Variants in SSX2IP observed in about 807,000 individuals in gnomAD.
SSX2IP encodes the protein afadin- and alpha-actinin-binding protein.
In SSX2IP, 55 loss-of-function variants were observed where a neutral mutation model predicts 84.9. The ratio of observed to expected loss-of-function variants is 0.65; its 90% CI spans 0.52 to 0.81. The LOEUF (loss-of-function observed/expected upper bound fraction) is 0.81, where lower values mean the gene tolerates loss of function less well. Among genes scored for constraint, SSX2IP ranks in the 30% least tolerant of loss-of-function variants. The probability of loss-of-function intolerance (pLI) is 0.00; values close to 1 mark genes in which losing one functional copy is unlikely to be tolerated. For missense variants in SSX2IP, 664 were observed against 705.2 expected (o/e 0.94, Z 0.66); for synonymous variants, 239 against 234.7 (o/e 1.02, Z -0.17).
At chr1:84,677,275 T>C (rs1201253429) in intron 1 of SSX2IP, among the ~76,000 whole-genome samples, 2 of 152,212 alleles carry the variant, frequency 1.3e-5, no homozygotes, top group Non-Finnish European at 2.9e-5. Context: ...AGCTTTGTTC[T>C]TGTTTATACT....
chr1:84,650,200 A>AT, intron 13 of SSX2IP, 162 bp downstream of exon 13: 1 of 694,808 alleles, frequency 1.4e-6, no homozygotes, highest in Admixed American at 2.3e-5. Context: ...CAGTGTCTAT[A>AT]TATACTGGAC....
chr1:84,672,992 C>T (rs763054859), intron 1 of SSX2IP, among the ~76,000 whole-genome samples: 7 of 152,072 alleles, frequency 4.6e-5, no homozygotes, highest in African/African-American at 7.2e-5. Context: ...CCACTGCACT[C>T]CAGCCTGGGC....
At chr1:84,665,794 A>G (rs536671422) in intron 5 of SSX2IP, among the ~76,000 whole-genome samples, 2 of 152,312 alleles carry the variant, frequency 1.3e-5, no homozygotes, top group African/African-American at 4.8e-5. Context: ...TACAGCAGAG[A>G]ATAAAAGATC....
chr1:84,647,763 C>T (rs942763945), intron 13 of SSX2IP, among the ~76,000 whole-genome samples, 156 bp from the exon 14 acceptor site: 17 of 137,572 alleles, frequency 1.2e-4, no homozygotes, highest in Admixed American at 1.0e-3. Flanking sequence ...AAAAAAAAAA[C>T]GGCTGGGAGC....
At chr1:84,650,168 A>G (rs1557462060) in intron 13 of SSX2IP, 194 bp downstream of exon 13, 2 of 629,136 alleles carry the variant, frequency 3.2e-6, no homozygotes, top group Non-Finnish European at 5.6e-6. Flanking sequence ...CCTGTTCACT[A>G]GTGTATTTCC....
At chr1:84,679,967 G>A (rs906737829) in intron 1 of SSX2IP, among the ~76,000 whole-genome samples, 1 of 152,146 alleles carries the variant, frequency 6.6e-6, no homozygotes, top group African/African-American at 2.4e-5. Context: ...ATCACATATT[G>A]TTGCTTCAGT....
intron 13 of SSX2IP, among the ~76,000 whole-genome samples, chr1:84,648,126 G>A (rs1327248082): frequency 6.6e-6 from 1 of 152,038 alleles, no homozygotes. Context: ...GGATGTTGTA[G>A]AAATTAGCTA....
intron 9 of SSX2IP, 91 bp from the exon 10 acceptor site, chr1:84,656,575 A>G: frequency 8.5e-7 from 1 of 1,179,162 alleles, no homozygotes; most frequent in Non-Finnish European, 1.1e-6. Flanking sequence ...GGGCTCTCAG[A>G]ACTTTTATCT....
chr1:84,658,371 A>T lies in SSX2IP; in HGVS notation c.1025T>A (p.Ile342Asn). Residue 342 changes from isoleucine (I) to asparagine (N), a missense_variant, in exon 9 of 14, where the codon ATC becomes AAC. Physicochemically the swap from Ile to Asn is moderately radical, Grantham distance 149. Transcript: ENST00000342203. ...TTTCAAAATTCTCCACTGTTTTCTGATGCTGTTTGTAAGCTGCTCTCTCAC... is the reference window on the plus strand; with the variant it reads ...TTTCAAAATTCTCCACTGTTTTCTGTTGCTGTTTGTAAGCTGCTCTCTCAC... ...ETVREQLTNS[I>N]RKQWRILKSH... The T allele has an allele frequency of 6.2e-7, 1 of 1,614,082 alleles. No homozygotes were observed. The highest frequency in any genetic ancestry group is 8.5e-7 in the Non-Finnish European group (1 of 1,179,998).
Position 84,656,047 on chromosome 1 carries a change from C to T in SSX2IP, c.1216-42G>A, listed in dbSNP as rs201206543. 3.2e-6 allele frequency: 5 copies of T among 1,544,402 alleles called. No homozygotes were observed. The African/African-American group carries it at 5.5e-5, about 17-fold the overall frequency. On this transcript the variant is annotated intron_variant, in intron 10 of 13. Transcript: ENST00000342203. ...CATAGTAAGTTCCTGAGGGACCTTG[C>T]GACACTCCAACGAGTTGAAATGAAA...
chr1:84,647,736 T>C, intron 13 of SSX2IP, 129 bp from the exon 14 acceptor site: 1 of 626,856 alleles, frequency 1.6e-6, no homozygotes, highest in Non-Finnish European at 2.3e-6. Context: ...AAAAATATAA[T>C]TTAAAATTTT....
intron 9 of SSX2IP, among the ~76,000 whole-genome samples, chr1:84,657,027 T>A (rs1331861266): frequency 6.6e-6 from 1 of 152,200 alleles, no homozygotes; most frequent in Non-Finnish European, 1.5e-5. Context: ...TGTAGATTCA[T>A]TTTGGTGCTG....
At chr1:84,675,500 A>T (rs1044312080) in intron 1 of SSX2IP, among the ~76,000 whole-genome samples, 89 of 152,218 alleles carry the variant, frequency 5.8e-4, no homozygotes, top group Non-Finnish European at 1.1e-3. Context: ...TTTATTCCTA[A>T]ATAAAATAGC....
chr1:84,658,566 C>T (rs1651466967), intron 8 of SSX2IP, 98 bp from the exon 9 acceptor site: 1 of 1,367,614 alleles, frequency 7.3e-7, no homozygotes, highest in Middle Eastern at 1.9e-4. Flanking sequence ...GAGGAAGCCA[C>T]ATCAAAATCA....
intron 1 of SSX2IP, among the ~76,000 whole-genome samples, chr1:84,678,233 G>A (rs529929102): frequency 6.6e-6 from 1 of 152,314 alleles, no homozygotes; most frequent in South Asian, 2.1e-4. Flanking sequence ...CTAGAGGGCA[G>A]GGAATGTCTG....
chr1:84,657,103 A>G (rs1041755255), intron 9 of SSX2IP, among the ~76,000 whole-genome samples: 3 of 152,144 alleles, frequency 2.0e-5, no homozygotes, highest in African/African-American at 7.2e-5. Flanking sequence ...TCATATTTTG[A>G]CAATTTAAAT....
In SSX2IP at chr1:84,650,404, G is replaced by A; in HGVS notation, c.1628C>T (p.Thr543Ile). 6.2e-7 allele frequency: 1 copy of A among 1,614,188 alleles called. No homozygotes were observed. The highest frequency in any genetic ancestry group is 8.5e-7 in the Non-Finnish European group (1 of 1,180,030). Reference protein sequence around the residue: ...LTKSLPASPSTSDFCQTRSCI... With the variant: ...LTKSLPASPSISDFCQTRSCI... ...GGAACGTGTCTGGCAAAAGTCTGAA[G>A]TGGAAGGTGAAGCAGGAAGAGATTT... Residue 543 changes from threonine to isoleucine, a missense_variant, in exon 13 of 14, where the codon ACT (threonine) becomes ATT (isoleucine). Physicochemically the swap from Thr to Ile is moderately conservative, Grantham distance 89 (BLOSUM62 -1). Transcript: ENST00000342203.
intron 6 of SSX2IP, among the ~76,000 whole-genome samples, chr1:84,663,765 C>A (rs746368791): frequency 1.1e-4 from 17 of 152,150 alleles, no homozygotes; most frequent in Non-Finnish European, 2.4e-4. Context: ...TAAATAAATA[C>A]ACACACTTCT....
At chr1:84,669,599 G>T in intron 4 of SSX2IP, 82 bp downstream of exon 4, 1 of 1,191,998 alleles carries the variant, frequency 8.4e-7, no homozygotes, top group Non-Finnish European at 1.2e-6. Context: ...AGAAAACCCT[G>T]AAATATTTAA....
Sources: allele counts gnomAD v4.1 joint callset (sites outside exome capture counted in the v4.1 genomes callset), GRCh38; gene constraint gnomAD v4.1.1; transcripts MANE v1.5; gene names NCBI Gene and HGNC (gene_info 2026-07-23, HGNC 2026-07-21).